Variants in TPST2 observed in about 807,000 individuals in gnomAD.
The protein encoded by TPST2 is tyrosylprotein sulfotransferase 2.
In TPST2, 16 loss-of-function variants were observed where a neutral mutation model predicts 27.8. The ratio of observed to expected loss-of-function variants is 0.58; its 90% confidence interval spans 0.39 to 0.88. TPST2 has a LOEUF of 0.88. TPST2 is among the 40% of genes least tolerant of loss of function. The pLI is 0.00. For missense variants in TPST2, 464 were observed against 543.1 expected, an observed-to-expected ratio of 0.85 and a Z score of 1.45; for synonymous variants, 229 against 231.7, an observed-to-expected ratio of 0.99 and a Z score of 0.10.
Position 26,528,243 on chromosome 22 carries a change from G to T in TPST2, c.1112C>A (p.Ser371Tyr). Reference protein sequence around the residue: ...GYFQVNQNSTSSHLGSS With the variant: ...GYFQVNQNSTYSHLGSS ...AAATCACGAGCTTCCTAAGTGGGAG[G>T]AGGTGCTGTTCTGGTTCACCTGGAG... Residue 371 changes from serine to tyrosine, a missense_variant, in exon 6 of 7, where the codon TCC becomes TAC. By Grantham distance (144) the Ser-to-Tyr change is moderately radical. Coordinates refer to ENST00000338754, the MANE Select transcript of TPST2 (RefSeq NM_003595.5). 1 of 1,564,778 alleles carries T rather than the reference G, an allele frequency of 6.4e-7. No homozygotes were observed. The highest frequency in any genetic ancestry group is 2.4e-5 in the East Asian group (1 of 42,530).
chr22:26,564,746 A>G (rs1927299695), intron 1 of TPST2, among the ~76,000 whole-genome samples: 2 of 152,202 alleles, frequency 1.3e-5, no homozygotes, highest in South Asian at 4.1e-4. Flanking sequence ...TATTCTCCCC[A>G]TTTGACAAAT....
At chr22:26,573,037 TAAA>T (rs1361330649) in intron 1 of TPST2, among the ~76,000 whole-genome samples, 1 of 152,182 alleles carries the variant, frequency 6.6e-6, no homozygotes, top group Non-Finnish European at 1.5e-5. Flanking sequence ...GGAGAGCAGC[TAAA>T]TACACATAAG....
At chr22:26,569,991 A>AAAAG (rs770577530) in intron 1 of TPST2, among the ~76,000 whole-genome samples, 1,468 of 19,770 alleles carry the variant, frequency 0.074, 70 homozygotes, top group Middle Eastern at 0.12. Flanking sequence ...AAAAGAAAGA[A>AAAAG]AAAGAAAGAA....
At chr22:26,531,014 A>C (rs1415200345) in intron 5 of TPST2, among the ~76,000 whole-genome samples, 1 of 151,928 alleles carries the variant, frequency 6.6e-6, no homozygotes, top group Non-Finnish European at 1.5e-5. Flanking sequence ...CATCTCAAAA[A>C]CAAAAACAAA....
chr22:26,564,445 T>C (rs1426536230), intron 1 of TPST2, among the ~76,000 whole-genome samples: 1 of 152,166 alleles, frequency 6.6e-6, no homozygotes, highest in Non-Finnish European at 1.5e-5. Context: ...GCGCAAGCCT[T>C]GCCCCGTCAT....
At chr22:26,583,083 G>T (rs1420097336) in intron 1 of TPST2, among the ~76,000 whole-genome samples, 1 of 147,418 alleles carries the variant, frequency 6.8e-6, no homozygotes, top group Non-Finnish European at 1.5e-5. Context: ...CTGCACTCTA[G>T]CTTGGGCAAC....
chr22:26,546,343 G>A (rs759134368), intron 1 of TPST2, among the ~76,000 whole-genome samples: 44 of 152,166 alleles, frequency 2.9e-4, no homozygotes, highest in Admixed American at 3.3e-4. Context: ...CTCAAGCCCC[G>A]GCACTCCTGG....
At chr22:26,558,120 TACACACACACACACACACACACACAC>T (rs71192941) in intron 1 of TPST2, among the ~76,000 whole-genome samples, 229 of 141,428 alleles carry the variant, frequency 1.6e-3, no homozygotes, top group African/African-American at 5.7e-3. Flanking sequence ...ATATATATAA[TACACACACACACACACACACACACAC>T]ACACACACAC....
intron 1 of TPST2, among the ~76,000 whole-genome samples, chr22:26,567,487 C>T (rs570737844): frequency 6.6e-6 from 1 of 152,312 alleles, no homozygotes; most frequent in Admixed American, 6.5e-5. Context: ...TAATATCAGT[C>T]ACAGTTCCAT....
chr22:26,567,831 T>A (rs1267288321), intron 1 of TPST2, among the ~76,000 whole-genome samples: 1 of 152,206 alleles, frequency 6.6e-6, no homozygotes, highest in Non-Finnish European at 1.5e-5. Context: ...CTCATATCCA[T>A]CGGGGAAACA....
At chr22:26,526,927 A>C (rs1053395547) in intron 6 of TPST2, among the ~76,000 whole-genome samples, 17 of 152,062 alleles carry the variant, frequency 1.1e-4, no homozygotes, top group Non-Finnish European at 7.4e-5. Context: ...AAAATACAAA[A>C]ATTAGCTGGG....
chr22:26,536,334 G>C lies in TPST2; in HGVS notation c.995C>G (p.Pro332Arg). 1.9e-6 allele frequency: 3 copies of C among 1,614,144 alleles called. No individual in the cohort carries two copies. The highest frequency in any genetic ancestry group is 2.5e-6 in the Non-Finnish European group (3 of 1,179,990). The change falls in exon 4 of 7, where the codon CCC (proline) becomes CGC (arginine). Residue 332 changes from proline (P) to arginine (R), a missense_variant. Physicochemically the swap from Pro to Arg is moderately radical, Grantham distance 103 (BLOSUM62 -2). Transcript: ENST00000338754. ...GAAGGGGTCAGGGTTGCCATAGTTGGGGGGGTTTGCATAAGGGTCATAGCC... is the reference window on the plus strand; with the variant it reads ...GAAGGGGTCAGGGTTGCCATAGTTGCGGGGGTTTGCATAAGGGTCATAGCC... ...QLGYDPYANP[P>R]NYGNPDPFVI...
intron 1 of TPST2, among the ~76,000 whole-genome samples, chr22:26,582,904 G>C (rs75023868): frequency 0.012 from 1,797 of 152,094 alleles, 33 homozygotes; most frequent in African/African-American, 0.041. Context: ...GTTAGGTAGG[G>C]GCCTGTACCA....
At chr22:26,583,905 G>T (rs7290884) in intron 1 of TPST2, among the ~76,000 whole-genome samples, 17 of 152,332 alleles carry the variant, frequency 1.1e-4, no homozygotes, top group African/African-American at 3.4e-4. Context: ...GCAGGCCTAA[G>T]GCATCCTCAG....
rs1255783089 is a variant in TPST2 at position 26,522,815 on chromosome 22, C to T, written c.*3460G>A. On this transcript the variant is annotated 3_prime_UTR_variant, in exon 7 of 7. Transcript: ENST00000338754. ...GCTCCAGGAGCCAGGTGCGGTGGCT[C>T]ACGCCTGTAAACCCAACTCTTTGAG... 1.3e-5 allele frequency: 2 copies of T among 152,448 alleles called. No homozygotes were observed. The highest frequency in any genetic ancestry group is 2.9e-5 in the Non-Finnish European group (2 of 68,224). 9.4% of individuals were successfully genotyped at this position (152,448 alleles called of 1,614,324 possible).
At chr22:26,564,345 T>C (rs1018365506) in intron 1 of TPST2, among the ~76,000 whole-genome samples, 5 of 152,210 alleles carry the variant, frequency 3.3e-5, no homozygotes, top group Non-Finnish European at 7.3e-5. Context: ...GCAGGCTTAG[T>C]GGGCTGGACA....
intron 6 of TPST2, 64 bp downstream of exon 6, chr22:26,528,150 C>T: frequency 6.5e-7 from 1 of 1,546,872 alleles, no homozygotes; most frequent in Non-Finnish European, 8.8e-7. Flanking sequence ...AGTGGCTTTT[C>T]AGAAAAGTGG....
At chr22:26,581,866 G>A (rs1450376999) in intron 1 of TPST2, among the ~76,000 whole-genome samples, 1 of 152,142 alleles carries the variant, frequency 6.6e-6, no homozygotes, top group Non-Finnish European at 1.5e-5. Flanking sequence ...TGGGCTCTCT[G>A]GTCTCTATCA....
intron 1 of TPST2, among the ~76,000 whole-genome samples, chr22:26,586,243 T>A (rs575652961): frequency 2.0e-5 from 3 of 152,016 alleles, no homozygotes; most frequent in Admixed American, 6.6e-5. Context: ...TTTCTTTTTT[T>A]AATATTTAAT....
Sources: gnomAD v4.1 joint callset for allele counts (sites outside exome capture counted in the v4.1 genomes callset) on GRCh38, gnomAD v4.1.1 for gene constraint, MANE v1.5 for transcripts, NCBI Gene and HGNC (gene_info 2026-07-23, HGNC 2026-07-21) for gene names.